The following KCNIP4 variants were observed in gnomAD, a reference collection of about 807,000 sequenced individuals.
The protein encoded by KCNIP4 is potassium voltage-gated channel interacting protein 4, also known as Kv channel-interacting protein 4.
Under a neutral mutation model 34.0 loss-of-function variants are expected in KCNIP4, and 12 were observed. The ratio of observed to expected loss-of-function variants is 0.35; its 90% CI spans 0.23 to 0.57. KCNIP4 has a LOEUF of 0.57. KCNIP4 is among the 20% of genes least tolerant of loss of function. KCNIP4 has a pLI of 0.83. For synonymous variants in KCNIP4, 124 were observed against 102.2 expected (o/e 1.21, Z -1.29); for missense variants, 238 against 311.7 (o/e 0.76, Z 1.78).
chr4:21,142,433 A>G (rs1015052839), intron 1 of KCNIP4, among the ~76,000 whole-genome samples: 20 of 152,074 alleles, frequency 1.3e-4, no homozygotes, highest in Non-Finnish European at 2.6e-4. Flanking sequence ...GAACTTTTAT[A>G]CTCCTGGAAG....
At chr4:21,245,369 G>A (rs185299873) in intron 1 of KCNIP4, among the ~76,000 whole-genome samples, 1 of 152,204 alleles carries the variant, frequency 6.6e-6, no homozygotes, top group East Asian at 1.9e-4. Context: ...TTGCTCATTT[G>A]TTCCGATTTG....
At chr4:21,448,651 A>T (rs1471910642) in intron 1 of KCNIP4, among the ~76,000 whole-genome samples, 1 of 152,268 alleles carries the variant, frequency 6.6e-6, no homozygotes, top group East Asian at 1.9e-4. Context: ...AAAAATGCTA[A>T]AATTATGAGA....
At chr4:20,884,917 T>C (rs1305478018) in intron 1 of KCNIP4, among the ~76,000 whole-genome samples, 1 of 151,968 alleles carries the variant, frequency 6.6e-6, no homozygotes, top group Non-Finnish European at 1.5e-5. Context: ...GCCAGGCTGG[T>C]TTCAAACTCC....
intron 1 of KCNIP4, among the ~76,000 whole-genome samples, chr4:21,693,428 G>T (rs926778044): frequency 1.3e-5 from 2 of 152,058 alleles, no homozygotes; most frequent in Non-Finnish European, 2.9e-5. Flanking sequence ...GAGCTTGGTG[G>T]AGAGCGCCTG....
chr4:20,882,843 T>C (rs1724849643), intron 1 of KCNIP4, 134 bp from the exon 2 acceptor site: 2 of 557,798 alleles, frequency 3.6e-6, no homozygotes, highest in Admixed American at 3.4e-5. Context: ...AGGCAGTGGG[T>C]TGGGACCCCC....
intron 1 of KCNIP4, among the ~76,000 whole-genome samples, chr4:21,201,015 G>GAAT (rs1261692378): frequency 3.3e-5 from 5 of 152,134 alleles, no homozygotes; most frequent in African/African-American, 4.8e-5. Context: ...GTCACCCAGT[G>GAAT]AATAAGAGGT....
At chr4:21,183,695 TC>T (rs1264014099) in intron 1 of KCNIP4, among the ~76,000 whole-genome samples, 1 of 151,942 alleles carries the variant, frequency 6.6e-6, no homozygotes, top group Non-Finnish European at 1.5e-5. Flanking sequence ...ATCTCATTGT[TC>T]CCCCCCATTC....
chr4:21,486,240 G>A (rs888879371), intron 1 of KCNIP4, among the ~76,000 whole-genome samples: 1 of 151,944 alleles, frequency 6.6e-6, no homozygotes, highest in African/African-American at 2.4e-5. Context: ...TCTTTTTTCA[G>A]TGAATTGTTC....
chr4:20,838,794 A>G (rs899855546), intron 3 of KCNIP4, among the ~76,000 whole-genome samples: 31 of 152,198 alleles, frequency 2.0e-4, no homozygotes, highest in African/African-American at 7.5e-4. Flanking sequence ...GACTTGAAAG[A>G]AAATGGGAGC....
chr4:21,558,925 T>C (rs1415045743), intron 1 of KCNIP4, among the ~76,000 whole-genome samples: 1 of 152,178 alleles, frequency 6.6e-6, no homozygotes, highest in Non-Finnish European at 1.5e-5. Flanking sequence ...CAGAGCTTCA[T>C]CATGCTGTGA....
At chr4:21,061,403 T>C (rs1421467959) in intron 1 of KCNIP4, among the ~76,000 whole-genome samples, 1 of 152,040 alleles carries the variant, frequency 6.6e-6, no homozygotes, top group African/African-American at 2.4e-5. Flanking sequence ...TTCTTTTTCA[T>C]AACACAATAA....
intron 1 of KCNIP4, among the ~76,000 whole-genome samples, chr4:21,797,370 C>T (rs1317443231): frequency 6.6e-6 from 1 of 152,148 alleles, no homozygotes; most frequent in African/African-American, 2.4e-5. Context: ...GTCTTGAATT[C>T]CTGGCCTCAA....
intron 1 of KCNIP4, among the ~76,000 whole-genome samples, chr4:21,297,745 T>G (rs999421390): frequency 6.7e-6 from 1 of 150,338 alleles, no homozygotes; most frequent in Admixed American, 6.7e-5. Flanking sequence ...TTTTCCCTCT[T>G]CCTCATTTTT....
chr4:21,137,773 A>G (rs1203753194), intron 1 of KCNIP4, among the ~76,000 whole-genome samples: 1 of 152,142 alleles, frequency 6.6e-6, no homozygotes, highest in African/African-American at 2.4e-5. Flanking sequence ...ATTTTTCCAT[A>G]GTAATAAAAA....
intron 1 of KCNIP4, among the ~76,000 whole-genome samples, chr4:21,298,021 G>A (rs1049393002): frequency 1.3e-5 from 2 of 152,076 alleles, no homozygotes; most frequent in African/African-American, 4.8e-5. Flanking sequence ...TTACTTCCTT[G>A]TGATCTTAAG....
chr4:20,754,832 A>G (rs1435665533), intron 4 of KCNIP4, among the ~76,000 whole-genome samples: 1 of 152,190 alleles, frequency 6.6e-6, no homozygotes, highest in Admixed American at 6.5e-5. Context: ...AGCTCTATCC[A>G]AGTTTTAGTA....
At chr4:21,532,586 A>G (rs1185893638) in intron 1 of KCNIP4, among the ~76,000 whole-genome samples, 2 of 152,182 alleles carry the variant, frequency 1.3e-5, no homozygotes, top group Non-Finnish European at 2.9e-5. Context: ...CTCACAAGTC[A>G]GTAGATACTT....
At chr4:21,358,249 T>A (rs1718860542) in intron 1 of KCNIP4, among the ~76,000 whole-genome samples, 1 of 151,994 alleles carries the variant, frequency 6.6e-6, no homozygotes, top group South Asian at 2.1e-4. Context: ...AGCAAACCAC[T>A]GTGGCACATG....
At chr4:21,793,413 A>G (rs980588257) in intron 1 of KCNIP4, among the ~76,000 whole-genome samples, 2 of 146,952 alleles carry the variant, frequency 1.4e-5, no homozygotes, top group Admixed American at 1.3e-4. Flanking sequence ...GTGTGCCACC[A>G]TGCCCGGCTA....
Sources: gnomAD v4.1 joint callset for allele counts (sites outside exome capture counted in the v4.1 genomes callset) on GRCh38, gnomAD v4.1.1 for gene constraint, MANE v1.5 for transcripts, NCBI Gene and HGNC (gene_info 2026-07-23, HGNC 2026-07-21) for gene names.